Variants in ARHGAP23 observed in about 807,000 individuals in gnomAD.
The protein encoded by ARHGAP23 is rho GTPase-activating protein 23.
Under a neutral mutation model 136.3 loss-of-function variants are expected in ARHGAP23, and 34 were observed. The ratio of observed to expected loss-of-function variants is 0.25; its 90% CI spans 0.19 to 0.33. The LOEUF is 0.33. Ranked by LOEUF, ARHGAP23 falls within the 10% of genes least tolerant of loss-of-function variation. The probability of loss-of-function intolerance (pLI) is 1.00; values close to 1 mark genes in which losing one functional copy is unlikely to be tolerated. For missense variants in ARHGAP23, 1,808 were observed against 2,139.0 expected, an observed-to-expected ratio of 0.85 and a Z score of 3.05; for synonymous variants, 832 against 920.5, an observed-to-expected ratio of 0.90 and a Z score of 1.74.
At chr17:38,456,240 C>T (rs1192539043) in intron 1 of ARHGAP23, among the ~76,000 whole-genome samples, 5 of 152,150 alleles carry the variant, frequency 3.3e-5, no homozygotes, top group South Asian at 2.1e-4. Flanking sequence ...CAGACCTGCT[C>T]GACAGCAGCC....
chr17:38,435,955 C>T (rs988575803), intron 1 of ARHGAP23, among the ~76,000 whole-genome samples: 3 of 152,144 alleles, frequency 2.0e-5, no homozygotes, highest in Non-Finnish European at 4.4e-5. Context: ...GCCCTGGGCT[C>T]CTCCCCAAGA....
At chr17:38,431,667 G>T (rs2038688616) in intron 1 of ARHGAP23, among the ~76,000 whole-genome samples, 1 of 152,228 alleles carries the variant, frequency 6.6e-6, no homozygotes, top group Non-Finnish European at 1.5e-5. Flanking sequence ...ACTTTGGGGA[G>T]ATTTTAAAGC....
intron 6 of ARHGAP23, among the ~76,000 whole-genome samples, chr17:38,465,070 T>G (rs1597793210): frequency 2.9e-4 from 34 of 117,284 alleles, no homozygotes; most frequent in South Asian, 1.1e-3. Flanking sequence ...GGCAACACAG[T>G]GGTCAGTGGC....
intron 20 of ARHGAP23, among the ~76,000 whole-genome samples, chr17:38,492,931 C>T (rs1338297209): frequency 1.3e-5 from 2 of 152,216 alleles, no homozygotes; most frequent in Non-Finnish European, 2.9e-5. Flanking sequence ...CCCTGTGCTC[C>T]TGGAGAAGTC....
Position 38,466,965 on chromosome 17 carries a change from C to G in ARHGAP23, c.1282C>G (p.Arg428Gly). ...CCGGAGCTACAGCCCATCATTCCAG[C>G]GCCGGACCGGCCTCCTCCATGCGCT... ...GYRSYSPSFQ[R>G]RTGLLHALSF... Residue 428 changes from arginine (R) to glycine (G), a missense_variant, in exon 7 of 24, where the codon CGC becomes GGC. Physicochemically the swap from Arg to Gly is moderately radical, Grantham distance 125 (BLOSUM62 -2). Transcript: ENST00000622683. 2.6e-6 allele frequency: 4 copies of G among 1,550,530 alleles called. No individual in the cohort carries two copies. Among genetic ancestry groups the G allele is most frequent in the Non-Finnish European group, 3.5e-6 (4 of 1,146,960 alleles).
At chr17:38,469,371 G>C in intron 8 of ARHGAP23, 72 bp downstream of exon 8, 1 of 1,488,734 alleles carries the variant, frequency 6.7e-7, no homozygotes, top group Non-Finnish European at 9.0e-7. Context: ...TGTTGGGCCT[G>C]CTGCTTGATG....
chr17:38,458,042 G>A (rs1455811873), intron 1 of ARHGAP23, 60 bp from the exon 2 acceptor site: 35 of 1,526,836 alleles, frequency 2.3e-5, no homozygotes, highest in Non-Finnish European at 2.9e-5. Context: ...AGGAGGTGGT[G>A]CAAACAGCCA....
chr17:38,479,884 G>A lies in ARHGAP23; in HGVS notation c.2629+1G>A. The A allele has an allele frequency of 7.1e-7, 1 of 1,399,596 alleles. No homozygotes were observed. Among genetic ancestry groups the A allele is most frequent in the Non-Finnish European group, 9.5e-7 (1 of 1,052,122 alleles). The allele number at this position is 1,399,596 out of a possible 1,614,324, so 86.7% of individuals were successfully genotyped here. A position where few individuals can be genotyped will look rare whatever the true frequency, so the allele number is the denominator to read the frequency against. On this transcript the variant is annotated splice_donor_variant, in intron 14 of 23. Coordinates refer to ENST00000622683, the MANE Select transcript of ARHGAP23 (RefSeq NM_001199417.2). LOFTEE classifies it high-confidence loss of function. ...CAGGACCTGCCCGCAGGGAGCAAGG[G>A]TAGGAAGGTGGCCACTGAGACAGGG...
intron 1 of ARHGAP23, among the ~76,000 whole-genome samples, chr17:38,438,198 T>G (rs1192694590): frequency 2.0e-5 from 3 of 151,624 alleles, no homozygotes; most frequent in Non-Finnish European, 4.4e-5. Flanking sequence ...GCATGCGCCT[T>G]TAGTCCCAGC....
intron 1 of ARHGAP23, among the ~76,000 whole-genome samples, chr17:38,422,540 G>A (rs1296817939): frequency 6.6e-6 from 1 of 152,200 alleles, no homozygotes; most frequent in East Asian, 1.9e-4. Context: ...AGTGGCAGGG[G>A]TGGATTTTCT....
chr17:38,495,113 T>C (rs2040362657), intron 20 of ARHGAP23, among the ~76,000 whole-genome samples: 1 of 152,098 alleles, frequency 6.6e-6, no homozygotes, highest in Non-Finnish European at 1.5e-5. Context: ...TAGAAGGAGG[T>C]ACTCACATCA....
At position 38,463,390 on chromosome 17, in the gene ARHGAP23, C is replaced by T; in HGVS notation, c.483+8C>T. 1 of 1,551,674 alleles carries T rather than the reference C, an allele frequency of 6.4e-7. No individual in the cohort carries two copies. The highest frequency in any genetic ancestry group is 8.7e-7 in the Non-Finnish European group (1 of 1,146,950). On this transcript the variant is annotated splice_region_variant and intron_variant, in intron 6 of 23. Coordinates refer to ENST00000622683, the MANE Select transcript of ARHGAP23 (RefSeq NM_001199417.2). ...GAGGACATCCTCCAGCTGGTGAGTC[C>T]AGCCCCTGTGGCCTGAGAGGAGACC...
At chr17:38,436,853 T>C (rs928535732) in intron 1 of ARHGAP23, among the ~76,000 whole-genome samples, 1 of 152,074 alleles carries the variant, frequency 6.6e-6, no homozygotes, top group African/African-American at 2.4e-5. Flanking sequence ...GGAAAGTGAG[T>C]GTGGTCACAA....
chr17:38,442,467 T>G (rs1239278631), intron 1 of ARHGAP23, among the ~76,000 whole-genome samples: 1 of 152,220 alleles, frequency 6.6e-6, no homozygotes, highest in Admixed American at 6.5e-5. Context: ...AACCAGGGAT[T>G]TGACCACCAG....
upstream of ARHGAP23, among the ~76,000 whole-genome samples, chr17:38,427,006 A>G (rs1317298433): frequency 1.3e-5 from 2 of 152,160 alleles, no homozygotes; most frequent in Non-Finnish European, 2.9e-5. Context: ...TCCAAGTCCT[A>G]TTTTATCCTC....
rs751689807 is a variant in ARHGAP23, at chr17:38,466,450, C to T, written c.767C>T (p.Ala256Val). 6.6e-7 allele frequency: 1 copy of T among 1,524,078 alleles called. No individual in the cohort carries two copies. Among genetic ancestry groups the T allele is most frequent in the East Asian group, 2.5e-5 (1 of 40,662 alleles). 94.4% of individuals were successfully genotyped at this position (1,524,078 alleles called of 1,614,324 possible). A position where few individuals can be genotyped will look rare whatever the true frequency, so the allele number is the denominator to read the frequency against. ...GMSQPRPSPG[A>V]FPHLSSEPRT... is the part of the protein sequence containing the mutation. The stretch of plus-strand genomic sequence containing the variant: ...AGCCAGCCCCGCCCCAGCCCTGGTG[C>T]CTTCCCCCACCTCTCCTCGGAGCCC... The change falls in exon 7 of 24, where the codon GCC becomes GTC. Residue 256 changes from alanine to valine, a missense_variant. By Grantham distance (64) the Ala-to-Val change is moderately conservative. This residue lies in a region of ARHGAP23 where 859 missense variants were observed against 936.4 expected (regional missense o/e 0.92). Transcript: ENST00000622683.
chr17:38,498,842 C>A, intron 22 of ARHGAP23: 1 of 693,456 alleles, frequency 1.4e-6, no homozygotes, highest in Non-Finnish European at 2.6e-6. Flanking sequence ...ATTTTTCTTC[C>A]TTTTCTCCTT....
Position 38,510,132 on chromosome 17 carries a change from G to T in ARHGAP23, c.3636G>T (p.Arg1212=). ...CCACAGCGCCGGGGACTCAGGAGCG[G>T]CCGCAGGGGCCGCTGCCTGGCGCCG... ...AGATAPGTQE[R]PQGPLPGAVA... Residue 1212 remains arginine (R), a synonymous_variant, in exon 24 of 24, where the codon CGG becomes CGT. Transcript: ENST00000622683. This position sits in a 1 kb window ranked among gnomAD's most constrained non-coding sequence, Gnocchi z 4.6. The T allele has an allele frequency of 7.9e-7, 1 of 1,267,860 alleles. No individual in the cohort carries two copies. Among genetic ancestry groups the T allele is most frequent in the South Asian group, 3.3e-5 (1 of 30,668 alleles). The allele number at this position is 1,267,860 out of a possible 1,614,324, so 78.5% of individuals were successfully genotyped here. A position where few individuals can be genotyped will look rare whatever the true frequency, so the allele number is the denominator to read the frequency against.
Position 38,509,988 on chromosome 17 carries a change from G to T in ARHGAP23, c.3492G>T (p.Leu1164=). The change falls in exon 24 of 24, where the codon CTG becomes CTT. Residue 1164 remains leucine, a synonymous_variant. Coordinates refer to ENST00000622683, the MANE Select transcript of ARHGAP23 (RefSeq NM_001199417.2). ...PKKEPYAREM[L]AISFISAVNR... ...AGGAGCCGTACGCCCGGGAGATGCT[G>T]GCGATCTCCTTCATCTCGGCCGTCA... is the stretch of plus-strand genomic sequence containing the variant. The T allele has an allele frequency of 8.0e-7, 1 of 1,251,212 alleles. No individual in the cohort carries two copies. The allele number at this position is 1,251,212 out of a possible 1,614,324, so 77.5% of individuals were successfully genotyped here. A position where few individuals can be genotyped will look rare whatever the true frequency, so the allele number is the denominator to read the frequency against.
Sources: gnomAD v4.1 joint callset for allele counts (sites outside exome capture counted in the v4.1 genomes callset) on GRCh38, gnomAD v4.1.1 for gene constraint, gnomAD v4.1.1 regional missense constraint, Gnocchi (gnomAD v3.1) non-coding constraint, MANE v1.5 for transcripts, NCBI Gene and HGNC (gene_info 2026-07-23, HGNC 2026-07-21) for gene names.